Variants in MED12L observed in about 807,000 individuals in gnomAD.
MED12L encodes the protein mediator complex subunit 12L, also known as mediator of RNA polymerase II transcription subunit 12-like protein.
Under a neutral mutation model 281.3 loss-of-function variants are expected in MED12L, and 60 were observed. The observed-to-expected ratio is 0.21, with a 90% CI of 0.17 to 0.26. MED12L has a LOEUF of 0.26. Ranked by LOEUF, MED12L falls within the 10% of genes least tolerant of loss-of-function variation. The pLI is 1.00. For synonymous variants in MED12L, 974 were observed against 987.2 expected (o/e 0.99, Z 0.25); for missense variants, 2,146 against 2,680.9 (o/e 0.80, Z 4.41).
At chr3:151,139,899 G>C (rs1021821072) in intron 5 of MED12L, among the ~76,000 whole-genome samples, 7 of 152,198 alleles carry the variant, frequency 4.6e-5, no homozygotes, top group Non-Finnish European at 1.0e-4. Context: ...CACAAGAGGA[G>C]CTTTCATATA....
chr3:151,193,536 C>G lies in MED12L; in HGVS notation c.2120C>G (p.Ser707Trp). 6.2e-7 allele frequency: 1 copy of G among 1,613,792 alleles called. No homozygotes were observed. Among genetic ancestry groups the G allele is most frequent in the South Asian group, 1.1e-5 (1 of 91,076 alleles). The part of the protein sequence containing the change: ...PGESCENANT[S>W]LGRRMSVNCE... Reference sequence around the variant, plus strand: ...GAATCCTGTGAGAATGCCAACACTTCGTTGGGCAGAAGAATGTCAGTTAAT... The same window carrying G: ...GAATCCTGTGAGAATGCCAACACTTGGTTGGGCAGAAGAATGTCAGTTAAT... The change falls in exon 16 of 45, where the codon TCG (serine) becomes TGG (tryptophan). Residue 707 changes from serine (S) to tryptophan (W), a missense_variant. This residue lies in a region of MED12L where 722 missense variants were observed against 861.2 expected (regional missense o/e 0.84). Transcript: ENST00000687756.
rs187290392 is a variant in MED12L at position 151,435,707 on chromosome 3, A to G, written c.*2903A>G. 2 of 152,328 alleles carry G rather than the reference A, an allele frequency of 1.3e-5. No homozygotes were observed. Among genetic ancestry groups the G allele is most frequent in the African/African-American group, 4.8e-5 (2 of 41,574 alleles). 9.4% of individuals were successfully genotyped at this position (152,328 alleles called of 1,614,324 possible). On this transcript the variant is annotated 3_prime_UTR_variant, in exon 45 of 45. Coordinates refer to ENST00000687756, the MANE Select transcript of MED12L (RefSeq NM_001393769.1). ...CCACCCCTAGATTTAGATAAGATCA[A>G]TCATTTAATATTCCCCAAATTAATT...
chr3:151,332,862 G>A (rs557178822), intron 16 of MED12L, among the ~76,000 whole-genome samples: 28 of 152,166 alleles, frequency 1.8e-4, no homozygotes, highest in Admixed American at 1.5e-3. Flanking sequence ...GCATGGTACC[G>A]GATAGGTAGT....
At chr3:151,307,653 T>C (rs976370376) in intron 16 of MED12L, among the ~76,000 whole-genome samples, 5 of 151,936 alleles carry the variant, frequency 3.3e-5, no homozygotes, top group Admixed American at 6.6e-5. Flanking sequence ...TTGTGTCTAA[T>C]GGTTCTTTAT....
chr3:151,199,167 CA>C, intron 16 of MED12L: 1 of 1,614,162 alleles, frequency 6.2e-7, no homozygotes, highest in Non-Finnish European at 8.5e-7. Context: ...ACACCCAAGT[CA>C]ACAACAATTT....
At chr3:151,400,516 G>C (rs1244313945) in intron 39 of MED12L, among the ~76,000 whole-genome samples, 1 of 152,170 alleles carries the variant, frequency 6.6e-6, no homozygotes, top group African/African-American at 2.4e-5. Flanking sequence ...AGTACATGTA[G>C]CGACTTGTAA....
intron 36 of MED12L, among the ~76,000 whole-genome samples, chr3:151,386,657 A>T (rs1180074001): frequency 1.4e-5 from 2 of 147,736 alleles, no homozygotes; most frequent in Admixed American, 6.7e-5. Context: ...GCTCACTGCA[A>T]CCTCCACCTC....
intron 5 of MED12L, among the ~76,000 whole-genome samples, chr3:151,150,074 A>G (rs1482969340): frequency 6.6e-6 from 1 of 152,166 alleles, no homozygotes; most frequent in Non-Finnish European, 1.5e-5. Context: ...CATGAATCAC[A>G]AGTGTTCTTA....
rs1360000349 is a variant in MED12L, at chr3:151,384,120, T to G, written c.4828T>G (p.Leu1610Val). ...AACAGTTCTTGACATGCTGGGTGTTTTAATCAATGGAACGTTAGCCTCTGA... is the reference window on the plus strand; with the variant it reads ...AACAGTTCTTGACATGCTGGGTGTTGTAATCAATGGAACGTTAGCCTCTGA... Reference protein sequence around the residue: ...FTTVLDMLGVLINGTLASDLS... With the variant: ...FTTVLDMLGVVINGTLASDLS... Residue 1610 changes from leucine (L) to valine (V), a missense_variant, in exon 35 of 45, where the codon TTA becomes GTA. Physicochemically the swap from Leu to Val is conservative, Grantham distance 32. Transcript: ENST00000687756. The G allele has an allele frequency of 6.2e-7, 1 of 1,614,062 alleles. No homozygotes were observed. The highest frequency in any genetic ancestry group is 1.7e-5 in the Admixed American group (1 of 60,020).
chr3:151,088,282 C>T (rs1227836927), intron 2 of MED12L, among the ~76,000 whole-genome samples: 1 of 152,144 alleles, frequency 6.6e-6, no homozygotes, highest in Non-Finnish European at 1.5e-5. Context: ...CAGGTGGTTT[C>T]CAGCACCAGC....
chr3:151,388,215 A>G (rs1244208916), intron 37 of MED12L, 43 bp downstream of exon 37: 8 of 1,543,054 alleles, frequency 5.2e-6, no homozygotes, highest in Non-Finnish European at 6.9e-6. Context: ...ATTAGCATTT[A>G]GTATGAGATT....
At chr3:151,336,464 A>T in intron 16 of MED12L, 1 of 454,612 alleles carries the variant, frequency 2.2e-6, no homozygotes. Context: ...AGTGAACTTT[A>T]TACAACAATA....
intron 25 of MED12L, 58 bp from the exon 26 acceptor site, chr3:151,369,378 A>G: frequency 2.5e-6 from 3 of 1,216,902 alleles, no homozygotes; most frequent in Non-Finnish European, 3.5e-6. Context: ...CCTGTAAATA[A>G]TTACAAAACA....
intron 6 of MED12L, among the ~76,000 whole-genome samples, chr3:151,156,722 T>C (rs1719338565): frequency 6.6e-6 from 1 of 152,232 alleles, no homozygotes; most frequent in Non-Finnish European, 1.5e-5. Flanking sequence ...GTCATCTTAA[T>C]TCAGCTGCAG....
chr3:151,214,996 T>C (rs779228605), intron 16 of MED12L, among the ~76,000 whole-genome samples: 1 of 152,168 alleles, frequency 6.6e-6, no homozygotes, highest in Non-Finnish European at 1.5e-5. Context: ...ACCTTACTTT[T>C]AGAAAAGTGT....
intron 16 of MED12L, among the ~76,000 whole-genome samples, chr3:151,267,558 G>A (rs1307386790): frequency 2.0e-5 from 3 of 152,184 alleles, no homozygotes; most frequent in Admixed American, 6.5e-5. Context: ...TTGCTTAGAT[G>A]TAAATAGTTT....
At chr3:151,156,383 A>C in intron 6 of MED12L, 53 bp downstream of exon 6, 3 of 1,502,002 alleles carry the variant, frequency 2.0e-6, no homozygotes, top group Non-Finnish European at 2.7e-6. Flanking sequence ...AGAAGACAGC[A>C]AATTCCTTAT....
chr3:151,350,265 C>G, intron 17 of MED12L, 59 bp downstream of exon 17: 2 of 1,544,482 alleles, frequency 1.3e-6, no homozygotes, highest in Non-Finnish European at 8.8e-7. Flanking sequence ...CCTCTGAGCA[C>G]AGTCTTTATC....
intron 21 of MED12L, among the ~76,000 whole-genome samples, chr3:151,362,451 T>C (rs1010843390): frequency 6.6e-6 from 1 of 152,094 alleles, no homozygotes; most frequent in Non-Finnish European, 1.5e-5. Flanking sequence ...TATCTTACGT[T>C]GCTTGTGATA....
Sources: gnomAD v4.1 joint callset for allele counts (sites outside exome capture counted in the v4.1 genomes callset) on GRCh38, gnomAD v4.1.1 for gene constraint, gnomAD v4.1.1 regional missense constraint, MANE v1.5 for transcripts, NCBI Gene and HGNC (gene_info 2026-07-23, HGNC 2026-07-21) for gene names.